Variants in SPAG4 observed in about 807,000 individuals in gnomAD.
The protein encoded by SPAG4 is sperm-associated antigen 4 protein.
In SPAG4, 54 loss-of-function variants were observed where a neutral mutation model predicts 53.9. The observed-to-expected ratio is 1.00, with a 90% CI of 0.80 to 1.26. The LOEUF is 1.26. Among genes scored for constraint, SPAG4 ranks in the 50% most tolerant of loss-of-function variants. The pLI, the probability that SPAG4 is intolerant of heterozygous loss-of-function variation, is 0.00. For synonymous variants in SPAG4, 246 were observed against 237.4 expected, an observed-to-expected ratio of 1.04 and a Z score of -0.33; for missense variants, 548 against 568.6, an observed-to-expected ratio of 0.96 and a Z score of 0.37.
chr20:35,619,251 T>A lies in SPAG4; in HGVS notation c.850T>A (p.Tyr284Asn). The A allele has an allele frequency of 6.2e-7, 1 of 1,613,994 alleles. No individual in the cohort carries two copies. Among genetic ancestry groups the A allele is most frequent in the South Asian group, 1.1e-5 (1 of 91,078 alleles). Reference sequence around the variant, plus strand: ...CGATTACGCAGACAGGAACACTGCCTACTTCTGGAATCGCTTCAGCTTCTG... The same window carrying A: ...CGATTACGCAGACAGGAACACTGCCAACTTCTGGAATCGCTTCAGCTTCTG... ...SHDYADRNTA[Y>N]FWNRFSFWNY... The change falls in exon 9 of 12, where the codon TAC becomes AAC. Residue 284 changes from tyrosine to asparagine, a missense_variant. Transcript: ENST00000374273.
intron 8 of SPAG4, 42 bp from the exon 9 acceptor site, chr20:35,619,153 C>A: frequency 1.3e-6 from 2 of 1,488,156 alleles, no homozygotes; most frequent in Non-Finnish European, 1.9e-6. Context: ...CGACTCCCGG[C>A]AAGGCCTGGG....
Position 35,616,288 on chromosome 20 carries a change from C to G in SPAG4, c.285C>G (p.Thr95=). Residue 95 remains threonine (T), a synonymous_variant, in exon 1 of 12, where the codon ACC becomes ACG. Coordinates refer to ENST00000374273, the MANE Select transcript of SPAG4 (RefSeq NM_003116.3). ...HNWQTACGAA[T]VRGGASEPTG... Reference sequence around the variant, plus strand: ...GGCAGACAGCCTGTGGCGCGGCAACCGTGAGGGGCGGGGCCTCGGGTGCGG... The same window carrying G: ...GGCAGACAGCCTGTGGCGCGGCAACGGTGAGGGGCGGGGCCTCGGGTGCGG... 1 of 1,375,320 alleles carries G rather than the reference C, an allele frequency of 7.3e-7. No individual in the cohort carries two copies. The highest frequency in any genetic ancestry group is 9.5e-7 in the Non-Finnish European group (1 of 1,056,064). 85.2% of individuals were successfully genotyped at this position (1,375,320 alleles called of 1,614,324 possible).
Position 35,619,213 on chromosome 20 carries a change from A to C in SPAG4, c.812A>C (p.Gln271Pro). Residue 271 changes from glutamine (Q) to proline (P), a missense_variant, in exon 9 of 12, where the codon CAG becomes CCG. Transcript: ENST00000374273. ...LSSVGASIDL[Q>P]KTSHDYADRN... ...GTTCCAGGAGCCTCCATCGACCTGC[A>C]GAAGACATCCCACGATTACGCAGAC... 6.2e-7 allele frequency: 1 copy of C among 1,612,772 alleles called. No homozygotes were observed.
chr20:35,618,766 C>A, intron 7 of SPAG4, 46 bp downstream of exon 7: 1 of 1,485,720 alleles, frequency 6.7e-7, no homozygotes, highest in Non-Finnish European at 9.2e-7. Context: ...TCCCTGCTCC[C>A]AGGGTCCTGA....
chr20:35,619,034 A>G (rs961023147), intron 8 of SPAG4, 36 bp downstream of exon 8: 2 of 1,586,184 alleles, frequency 1.3e-6, no homozygotes, highest in African/African-American at 1.3e-5. Context: ...AGAGACGCAG[A>G]CAGGAAAGAG....
chr20:35,616,279 C>A lies in SPAG4; in HGVS notation c.276C>A (p.Gly92=). ...GCCACAACTGGCAGACAGCCTGTGG[C>A]GCGGCAACCGTGAGGGGCGGGGCCT... ...PRSHNWQTAC[G]AATVRGGASE... Residue 92 remains glycine (G), a synonymous_variant, in exon 1 of 12, where the codon GGC becomes GGA. Transcript: ENST00000374273. 1 of 1,473,104 alleles carries A rather than the reference C, an allele frequency of 6.8e-7. No individual in the cohort carries two copies. The highest frequency in any genetic ancestry group is 9.0e-7 in the Non-Finnish European group (1 of 1,115,620). The allele number at this position is 1,473,104 out of a possible 1,614,324, so 91.3% of individuals were successfully genotyped here.
chr20:35,617,056 G>A (rs1450658904), intron 1 of SPAG4, 80 bp from the exon 2 acceptor site: 3 of 902,172 alleles, frequency 3.3e-6, no homozygotes, highest in Non-Finnish European at 3.6e-6. Flanking sequence ...CTTGTGGACT[G>A]AGCAATCTGC....
Position 35,615,933 on chromosome 20 carries a change from A to AAGG in SPAG4, c.-67_-65dup. On this transcript the variant is annotated 5_prime_UTR_variant, in exon 1 of 12. Coordinates refer to ENST00000374273, the MANE Select transcript of SPAG4 (RefSeq NM_003116.3). ...GGGTCCCCGCGGCGCGCAGCGGCTG[A>AAGG]AGGAGGCCCCAGGGCCTTGGCGACC... 6.7e-7 allele frequency: 1 copy of AAGG among 1,484,240 alleles called. No individual in the cohort carries two copies. Among genetic ancestry groups the AAGG allele is most frequent in the East Asian group, 2.4e-5 (1 of 42,086 alleles). 91.9% of individuals were successfully genotyped at this position (1,484,240 alleles called of 1,614,324 possible). A position where few individuals can be genotyped will look rare whatever the true frequency, so the allele number is the denominator to read the frequency against.
chr20:35,619,609 T>C lies in SPAG4; in HGVS notation c.940T>C (p.Phe314Leu). The C allele has an allele frequency of 1.2e-6, 2 of 1,613,966 alleles. No individual in the cohort carries two copies. The highest frequency in any genetic ancestry group is 4.5e-5 in the East Asian group (2 of 44,850). ...PHVFPGNCWA[F>L]EGDQGQVVIQ... is the part of the protein sequence containing the mutation. The stretch of plus-strand genomic sequence containing the variant: ...CGTGTTCCCTGGGAATTGCTGGGCT[T>C]TTGAAGGCGACCAAGGCCAGGTGGT... The change falls in exon 10 of 12, where the codon TTT (phenylalanine) becomes CTT (leucine). Residue 314 changes from phenylalanine to leucine, a missense_variant. Phe to Leu is a conservative substitution (Grantham distance 22, BLOSUM62 0). Coordinates refer to ENST00000374273, the MANE Select transcript of SPAG4 (RefSeq NM_003116.3).
At chr20:35,619,829 C>T in intron 10 of SPAG4, 83 bp downstream of exon 10, 1 of 1,377,424 alleles carries the variant, frequency 7.3e-7, no homozygotes, top group Non-Finnish European at 9.9e-7. Flanking sequence ...TTATCTGAGT[C>T]TTCGCTTGCT....
At chr20:35,616,520 G>A in intron 1 of SPAG4, 1 of 403,240 alleles carries the variant, frequency 2.5e-6, no homozygotes, top group Non-Finnish European at 3.4e-6. Context: ...TTGTGGTTGG[G>A]TGCCACTGAG....
rs2031449337 is a variant in SPAG4, at chr20:35,618,117, C to G, written c.569C>G (p.Ser190Cys). 1 of 1,613,674 alleles carries G rather than the reference C, an allele frequency of 6.2e-7. No homozygotes were observed. Among genetic ancestry groups the G allele is most frequent in the South Asian group, 1.1e-5 (1 of 91,030 alleles). The change falls in exon 5 of 12, where the codon TCT (serine) becomes TGT (cysteine). Residue 190 changes from serine to cysteine, a missense_variant. Coordinates refer to ENST00000374273, the MANE Select transcript of SPAG4 (RefSeq NM_003116.3). Reference protein sequence around the residue: ...AFWLGLLYLVSPLENEPKEML... With the variant: ...AFWLGLLYLVCPLENEPKEML... The stretch of plus-strand genomic sequence containing the variant: ...TGGCTGGGGCTTCTGTACCTGGTCT[C>G]TCCTTTGGAGAATGTGAGTTGGGGA...
rs1255000957 is a variant in SPAG4 at position 35,617,222 on chromosome 20, G to T, written c.391G>T (p.Val131Leu). 8 of 1,599,756 alleles carry T rather than the reference G, an allele frequency of 5.0e-6. No homozygotes were observed. Among genetic ancestry groups the T allele is most frequent in the Non-Finnish European group, 6.8e-6 (8 of 1,173,470 alleles). Residue 131 changes from valine to leucine, a missense_variant, in exon 2 of 12, where the codon GTG (valine) becomes TTG (leucine). Physicochemically the swap from Val to Leu is conservative, Grantham distance 32. Coordinates refer to ENST00000374273, the MANE Select transcript of SPAG4 (RefSeq NM_003116.3). ...GAGGCAGGAGATGCCTCCCCCGCGGGTGTTCAAGAGCTTTCTGAGTACGGG... is the reference window on the plus strand; with the variant it reads ...GAGGCAGGAGATGCCTCCCCCGCGGTTGTTCAAGAGCTTTCTGAGTACGGG... ...DLRQEMPPPRVFKSFLSLLFQ... is the reference protein window; with the variant it reads ...DLRQEMPPPRLFKSFLSLLFQ...
At chr20:35,619,856 AT>A (rs1388939297) in intron 10 of SPAG4, 110 bp downstream of exon 10, 4 of 1,146,618 alleles carry the variant, frequency 3.5e-6, no homozygotes, top group Non-Finnish European at 2.4e-6. Flanking sequence ...TAAAATGAAG[AT>A]ACTACTATTT....
At chr20:35,619,511 G>T in intron 9 of SPAG4, 68 bp from the exon 10 acceptor site, 1 of 1,580,302 alleles carries the variant, frequency 6.3e-7, no homozygotes, top group Non-Finnish European at 8.6e-7. Flanking sequence ...TCGAGCTGAG[G>T]CCCGGGCTGG....
rs2031443347 is a variant in SPAG4 at position 35,617,941 on chromosome 20, C to T, written c.538+101C>T. The T allele has an allele frequency of 2.9e-6, 4 of 1,392,684 alleles. No homozygotes were observed. The Admixed American group carries it at 5.2e-5, about 18-fold the overall frequency. The allele number at this position is 1,392,684 out of a possible 1,614,324, so 86.3% of individuals were successfully genotyped here. On this transcript the variant is annotated intron_variant, in intron 4 of 11. Coordinates refer to ENST00000374273, the MANE Select transcript of SPAG4 (RefSeq NM_003116.3). ...CCTCGGTCCTGCAGCTCCTGGCATT[C>T]CCCTGCAGAACCCCCTAATTCCCCC...
In SPAG4 at chr20:35,619,647, G is replaced by T; in HGVS notation, c.978G>T (p.Pro326=). 6.2e-7 allele frequency: 1 copy of T among 1,614,016 alleles called. No individual in the cohort carries two copies. The highest frequency in any genetic ancestry group is 8.5e-7 in the Non-Finnish European group (1 of 1,180,016). Residue 326 remains proline, a synonymous_variant, in exon 10 of 12, where the codon CCG becomes CCT. Coordinates refer to ENST00000374273, the MANE Select transcript of SPAG4 (RefSeq NM_003116.3). ...GDQGQVVIQL[P]GRVQLSDITL... Reference sequence around the variant, plus strand: ...AAGGCCAGGTGGTGATCCAACTGCCGGGCCGAGTGCAGCTGAGCGACATCA... The same window carrying T: ...AAGGCCAGGTGGTGATCCAACTGCCTGGCCGAGTGCAGCTGAGCGACATCA...
At chr20:35,617,313 C>A (rs947483412) in intron 2 of SPAG4, 73 bp downstream of exon 2, 4 of 1,127,668 alleles carry the variant, frequency 3.5e-6, no homozygotes, top group Non-Finnish European at 3.9e-6. Flanking sequence ...CTCTCTGAGC[C>A]CCCGGCCCCC....
Position 35,618,983 on chromosome 20 carries a change from G to A in SPAG4, c.778G>A (p.Ala260Thr). The change falls in exon 8 of 12, where the codon GCT (alanine) becomes ACT (threonine). Residue 260 changes from alanine to threonine, a missense_variant. Transcript: ENST00000374273. ...NEDFVRKPDY[A>T]LSSVGASIDL... ...GGATTTTGTGCGGAAGCCCGACTAT[G>A]CTTTGAGCTCTGTGGGTAAGACCCG... The A allele has an allele frequency of 6.2e-7, 1 of 1,614,088 alleles. No homozygotes were observed. Among genetic ancestry groups the A allele is most frequent in the Non-Finnish European group, 8.5e-7 (1 of 1,179,918 alleles).
Sources: allele counts gnomAD v4.1 joint callset, GRCh38; gene constraint gnomAD v4.1.1; transcripts MANE v1.5; gene names NCBI Gene and HGNC (gene_info 2026-07-23, HGNC 2026-07-21).